Variants in LIMCH1 observed in about 807,000 individuals in gnomAD.
LIMCH1 encodes the protein LIM and calponin homology domains 1.
LIMCH1 carries 113 observed loss-of-function variants against 176.5 expected under a neutral mutation model. The ratio of observed to expected loss-of-function variants is 0.64; its 90% CI spans 0.55 to 0.75. LIMCH1 has a LOEUF of 0.75. LIMCH1 is among the 30% of genes least tolerant of loss of function. The pLI is 0.00. For synonymous variants in LIMCH1, 619 were observed against 645.9 expected (o/e 0.96, Z 0.63); for missense variants, 1,674 against 1,814.9 (o/e 0.92, Z 1.41).
At chr4:41,613,258 G>T (rs1186366921) in intron 4 of LIMCH1, among the ~76,000 whole-genome samples, 1 of 151,370 alleles carries the variant, frequency 6.6e-6, no homozygotes, top group Non-Finnish European at 1.5e-5. Flanking sequence ...CGTTGTGCAT[G>T]ATTTTCTGAT....
intron 1 of LIMCH1, among the ~76,000 whole-genome samples, chr4:41,432,858 G>A (rs987350795): frequency 6.6e-6 from 1 of 152,206 alleles, no homozygotes; most frequent in African/African-American, 2.4e-5. Context: ...AGGCAGTGGA[G>A]TCTGGTGCAT....
intron 5 of LIMCH1, among the ~76,000 whole-genome samples, chr4:41,617,072 A>AAT: frequency 6.6e-6 from 1 of 152,000 alleles, no homozygotes; most frequent in South Asian, 2.1e-4. Flanking sequence ...AGATAATATA[A>AAT]ATATATATCT....
intron 27 of LIMCH1, among the ~76,000 whole-genome samples, chr4:41,684,727 C>T (rs1312172742): frequency 2.0e-5 from 3 of 152,006 alleles, no homozygotes; most frequent in South Asian, 2.1e-4. Flanking sequence ...GACCTGAGAG[C>T]GTGTTCGCAC....
intron 1 of LIMCH1, among the ~76,000 whole-genome samples, chr4:41,559,168 T>C (rs2081719648): frequency 6.6e-6 from 1 of 152,176 alleles, no homozygotes; most frequent in African/African-American, 2.4e-5. Context: ...AATTGTAGAT[T>C]TTTAAATAAA....
chr4:41,596,019 A>T (rs2088702293), intron 1 of LIMCH1, among the ~76,000 whole-genome samples: 2 of 149,482 alleles, frequency 1.3e-5, no homozygotes, highest in South Asian at 4.2e-4. Flanking sequence ...ACTGCACTCC[A>T]GCCTGGGTGA....
intron 1 of LIMCH1, among the ~76,000 whole-genome samples, chr4:41,384,475 T>C (rs993323694): frequency 1.3e-5 from 2 of 152,154 alleles, no homozygotes; most frequent in Non-Finnish European, 2.9e-5. Context: ...CCCAAAGTGC[T>C]GGGATTACAG....
rs1430745361 is a variant in LIMCH1, at chr4:41,698,783, C to T, written c.*1598C>T. 3 of 152,530 alleles carry T rather than the reference C, an allele frequency of 2.0e-5. No individual in the cohort carries two copies. The highest frequency in any genetic ancestry group is 2.9e-5 in the Non-Finnish European group (2 of 68,034). The allele number at this position is 152,530 out of a possible 1,614,324, so 9.4% of individuals were successfully genotyped here. ...ATTTCCTCAGCCACTGGAGGGATTT[C>T]GACCATATTTGTCATTTGGATGAGC... On this transcript the variant is annotated 3_prime_UTR_variant, in exon 32 of 32. Transcript: ENST00000503057.
At chr4:41,489,745 C>T (rs181463840) in intron 1 of LIMCH1, among the ~76,000 whole-genome samples, 28 of 151,332 alleles carry the variant, frequency 1.9e-4, no homozygotes, top group African/African-American at 6.3e-4. Flanking sequence ...GTTACATGGG[C>T]ACTTGAAAAA....
intron 1 of LIMCH1, among the ~76,000 whole-genome samples, chr4:41,465,954 C>CTTTTTTTT (rs34784602): frequency 9.2e-6 from 1 of 108,288 alleles, no homozygotes; most frequent in Non-Finnish European, 1.8e-5. Flanking sequence ...CTGTTTGGCT[C>CTTTTTTTT]TTTTTTTTTT....
At chr4:41,633,254 T>C (rs568624682) in intron 12 of LIMCH1, among the ~76,000 whole-genome samples, 169 bp downstream of exon 12, 9 of 152,250 alleles carry the variant, frequency 5.9e-5, no homozygotes, top group African/African-American at 1.9e-4. Flanking sequence ...GTTCTGCTTC[T>C]GGTGCCCGCT....
chr4:41,673,446 C>T (rs2095119085), intron 22 of LIMCH1, among the ~76,000 whole-genome samples: 3 of 152,144 alleles, frequency 2.0e-5, no homozygotes, highest in Admixed American at 1.3e-4. Flanking sequence ...AATCACTGGC[C>T]TACTTAAGTA....
intron 27 of LIMCH1, among the ~76,000 whole-genome samples, chr4:41,685,007 A>G (rs1719507188): frequency 2.0e-5 from 3 of 152,158 alleles, no homozygotes; most frequent in Admixed American, 1.3e-4. Flanking sequence ...CCTCGCAAAA[A>G]TGATCAAATT....
intron 13 of LIMCH1, among the ~76,000 whole-genome samples, chr4:41,637,093 T>G (rs891557515): frequency 6.6e-6 from 1 of 152,238 alleles, no homozygotes; most frequent in Non-Finnish European, 1.5e-5. Flanking sequence ...AAACACTGTG[T>G]TTGAATAAAT....
intron 1 of LIMCH1, chr4:41,361,007 G>A: frequency 6.0e-6 from 7 of 1,168,800 alleles, no homozygotes; most frequent in Admixed American, 2.5e-5. Context: ...CGCTCCGACC[G>A]CAGGTCCAGC....
At chr4:41,629,805 A>T in intron 9 of LIMCH1, 71 bp downstream of exon 9, 1 of 1,408,906 alleles carries the variant, frequency 7.1e-7, no homozygotes, top group Non-Finnish European at 9.3e-7. Flanking sequence ...TCAAATGCTT[A>T]TCTTTGTGTC....
At chr4:41,429,786 A>G (rs1241865188) in intron 1 of LIMCH1, among the ~76,000 whole-genome samples, 1 of 152,216 alleles carries the variant, frequency 6.6e-6, no homozygotes, top group Non-Finnish European at 1.5e-5. Context: ...TGGCTATGCT[A>G]CATATCCATG....
chr4:41,485,819 T>A (rs1294963400), intron 1 of LIMCH1, among the ~76,000 whole-genome samples: 1 of 152,006 alleles, frequency 6.6e-6, no homozygotes, highest in Non-Finnish European at 1.5e-5. Context: ...TGAGAATAGA[T>A]GGAAGGGAGG....
At chr4:41,602,669 A>G (rs1443231776) in intron 2 of LIMCH1, among the ~76,000 whole-genome samples, 2 of 152,000 alleles carry the variant, frequency 1.3e-5, no homozygotes, top group Non-Finnish European at 2.9e-5. Context: ...TTAGCTGGTC[A>G]TGGTGGCACG....
chr4:41,455,024 G>A (rs2064394685), intron 1 of LIMCH1, among the ~76,000 whole-genome samples: 1 of 151,402 alleles, frequency 6.6e-6, no homozygotes, highest in Non-Finnish European at 1.5e-5. Context: ...TGACTGATTA[G>A]TTGGGGTTAT....
Sources: gnomAD v4.1 joint callset for allele counts (sites outside exome capture counted in the v4.1 genomes callset) on GRCh38, gnomAD v4.1.1 for gene constraint, MANE v1.5 for transcripts, NCBI Gene and HGNC (gene_info 2026-07-23, HGNC 2026-07-21) for gene names.